Variants in LIN9 observed in about 807,000 individuals in gnomAD.
LIN9 encodes the protein protein lin-9 homolog.
In LIN9, 18 loss-of-function variants were observed where a neutral mutation model predicts 78.0. The ratio of observed to expected loss-of-function variants is 0.23; its 90% CI spans 0.16 to 0.34. The LOEUF is 0.34. Among genes scored for constraint, LIN9 ranks in the 10% least tolerant of loss-of-function variants. The pLI is 1.00. For missense variants in LIN9, 451 were observed against 644.1 expected, an observed-to-expected ratio of 0.70 and a Z score of 3.25; for synonymous variants, 192 against 215.2, an observed-to-expected ratio of 0.89 and a Z score of 0.94.
At chr1:226,270,824 C>CAAA (rs764106581) in intron 7 of LIN9, among the ~76,000 whole-genome samples, 5 of 22,154 alleles carry the variant, frequency 2.3e-4, no homozygotes, top group Non-Finnish European at 2.7e-4. Flanking sequence ...GACTCTGTCT[C>CAAA]AAAAAAAAAA....
At position 226,233,174 on chromosome 1, in the gene LIN9, TCTC is replaced by T. The variant is rs1469480684; in HGVS notation, c.1442_1444del (p.Gly481del). The T allele has an allele frequency of 2.6e-5, 42 of 1,606,980 alleles. No individual in the cohort carries two copies. Among genetic ancestry groups the T allele is most frequent in the Non-Finnish European group, 3.5e-5 (41 of 1,177,630 alleles). ...TGATTTGAATTCAAAGGAATTCAGG[TCTC>T]CTCCTTCTGCTAGACACTAAAGGGA... On this transcript the variant is annotated inframe_deletion, in exon 14 of 15. Coordinates refer to ENST00000681046, the MANE Select transcript of LIN9 (RefSeq NM_001366245.2).
chr1:226,246,192 T>C (rs1658467482), intron 11 of LIN9, among the ~76,000 whole-genome samples: 1 of 152,216 alleles, frequency 6.6e-6, no homozygotes, highest in African/African-American at 2.4e-5. Context: ...ACAAAAACTT[T>C]AGTATTTCCT....
At chr1:226,235,918 T>C (rs967255610) in intron 12 of LIN9, among the ~76,000 whole-genome samples, 2 of 152,212 alleles carry the variant, frequency 1.3e-5, no homozygotes, top group Non-Finnish European at 2.9e-5. Context: ...TATTTCCACT[T>C]ATTTCCTACT....
intron 11 of LIN9, among the ~76,000 whole-genome samples, chr1:226,244,794 T>C (rs1430229927): frequency 1.3e-5 from 2 of 152,252 alleles, no homozygotes; most frequent in Non-Finnish European, 2.9e-5. Context: ...TTCTGAATGA[T>C]ACTCTAGAAG....
Position 226,286,355 on chromosome 1 carries a change from G to A in LIN9, c.502C>T (p.Arg168Trp), listed in dbSNP as rs768972563. ...LTRVEWGKIRRLMGKPRRCSS... is the reference protein window; with the variant it reads ...LTRVEWGKIRWLMGKPRRCSS... ...TACCTCCGTGGTTTTCCCATAAGCC[G>A]CCGAATTTTTCCCCATTCTACTCTT... Residue 168 changes from arginine (R) to tryptophan (W), a missense_variant, in exon 6 of 15, where the codon CGG becomes TGG. Transcript: ENST00000681046. 2.9e-5 allele frequency: 47 copies of A among 1,610,234 alleles called. No individual in the cohort carries two copies. The highest frequency in any genetic ancestry group is 2.3e-4 in the South Asian group (21 of 90,068).
At chr1:226,303,827 G>T (rs1051208617) in intron 1 of LIN9, among the ~76,000 whole-genome samples, 1 of 152,148 alleles carries the variant, frequency 6.6e-6, no homozygotes, top group African/African-American at 2.4e-5. Context: ...GGCTGGTCTC[G>T]AACTCCTGAC....
chr1:226,275,693 GA>G (rs1272770989), intron 7 of LIN9, among the ~76,000 whole-genome samples: 9,724 of 127,818 alleles, frequency 0.076, 384 homozygotes, highest in Middle Eastern at 0.13. Flanking sequence ...CTCCGTCTCA[GA>G]AAAAAAAAAA....
At chr1:226,239,265 G>A (rs964651197) in intron 11 of LIN9, among the ~76,000 whole-genome samples, 169 bp from the exon 12 acceptor site, 9 of 152,210 alleles carry the variant, frequency 5.9e-5, no homozygotes, top group African/African-American at 1.9e-4. Context: ...TTATTTAGGA[G>A]ATTGTCCTTG....
chr1:226,242,332 A>G (rs1420845024), intron 11 of LIN9, among the ~76,000 whole-genome samples: 1 of 152,238 alleles, frequency 6.6e-6, no homozygotes, highest in African/African-American at 2.4e-5. Flanking sequence ...TGTATATAGT[A>G]AAGCTGGCCT....
intron 12 of LIN9, among the ~76,000 whole-genome samples, chr1:226,237,124 G>C (rs1396631088): frequency 6.6e-6 from 1 of 152,136 alleles, no homozygotes; most frequent in Non-Finnish European, 1.5e-5. Context: ...CATTAGGAAA[G>C]GAGCCTATCA....
intron 4 of LIN9, among the ~76,000 whole-genome samples, chr1:226,288,372 A>G (rs984311971): frequency 6.6e-6 from 1 of 152,230 alleles, no homozygotes; most frequent in African/African-American, 2.4e-5. Flanking sequence ...AAATATTTCA[A>G]CTACCACCAC....
chr1:226,287,625 G>A (rs774646747), intron 5 of LIN9, 39 bp downstream of exon 5: 1 of 1,398,186 alleles, frequency 7.2e-7, no homozygotes, highest in South Asian at 1.3e-5. Context: ...TTAAATTTCT[G>A]ATTCAAGTAA....
chr1:226,278,830 A>AG (rs1400040428), intron 6 of LIN9, among the ~76,000 whole-genome samples: 1 of 139,562 alleles, frequency 7.2e-6, no homozygotes, highest in African/African-American at 2.7e-5. Context: ...TCTCAAAAAA[A>AG]AAAAAGAAAG....
intron 10 of LIN9, among the ~76,000 whole-genome samples, chr1:226,255,390 A>G (rs1223930105): frequency 6.6e-6 from 1 of 152,218 alleles, no homozygotes; most frequent in Non-Finnish European, 1.5e-5. Context: ...AGAAAAACCC[A>G]ACCCCAGCCC....
intron 10 of LIN9, among the ~76,000 whole-genome samples, chr1:226,256,345 C>T (rs992480905): frequency 6.6e-6 from 1 of 151,932 alleles, no homozygotes; most frequent in African/African-American, 2.4e-5. Flanking sequence ...AGTGAAATAT[C>T]TTGCGTTGAG....
chr1:226,265,516 T>C lies in LIN9; in HGVS notation c.1038+17A>G. 1 of 1,492,606 alleles carries C rather than the reference T, an allele frequency of 6.7e-7. No individual in the cohort carries two copies. Among genetic ancestry groups the C allele is most frequent in the Non-Finnish European group, 9.3e-7 (1 of 1,075,516 alleles). The allele number at this position is 1,492,606 out of a possible 1,614,324, so 92.5% of individuals were successfully genotyped here. The stretch of plus-strand genomic sequence containing the variant: ...AGTTTTTAAACAAACAGCCAAGATA[T>C]TCAGAACAATTCTTACCACTTGGAT... On this transcript the variant is annotated intron_variant, in intron 10 of 14. Transcript: ENST00000681046. The surrounding 1 kb of genome is among the most constrained non-coding windows in gnomAD (Gnocchi z 4.1).
chr1:226,309,399 C>G, upstream of LIN9: 3 of 992,602 alleles, frequency 3.0e-6, no homozygotes, highest in Non-Finnish European at 3.6e-6. Context: ...AGGAAGGAGG[C>G]CGCACGGCGA....
intron 6 of LIN9, among the ~76,000 whole-genome samples, chr1:226,282,185 T>A (rs1281963095): frequency 6.6e-6 from 1 of 152,218 alleles, no homozygotes; most frequent in Non-Finnish European, 1.5e-5. Context: ...TTATGTTAAA[T>A]GGTTTCAGGG....
At chr1:226,309,177 C>A, upstream of LIN9, 1 of 1,414,974 alleles carries the variant, frequency 7.1e-7, no homozygotes, top group Non-Finnish European at 9.3e-7. Context: ...AGGCTGCCCG[C>A]CGCGGTGCAT....
Sources: allele counts gnomAD v4.1 joint callset (sites outside exome capture counted in the v4.1 genomes callset), GRCh38; gene constraint gnomAD v4.1.1; non-coding constraint Gnocchi (gnomAD v3.1); transcripts MANE v1.5; gene names NCBI Gene and HGNC (gene_info 2026-07-23, HGNC 2026-07-21).